Variants in ATP6V1A observed in about 807,000 individuals in gnomAD.
ATP6V1A encodes V-type proton ATPase catalytic subunit A.
ATP6V1A carries 18 observed loss-of-function variants against 70.1 expected under a neutral mutation model. The ratio of observed to expected loss-of-function variants is 0.26; its 90% CI spans 0.18 to 0.38. The LOEUF (loss-of-function observed/expected upper bound fraction) is 0.38, where lower values mean the gene tolerates loss of function less well. Among genes scored for constraint, ATP6V1A ranks in the 10% least tolerant of loss-of-function variants. The pLI is 1.00. For missense variants in ATP6V1A, 424 were observed against 772.4 expected (o/e 0.55, Z 5.35); for synonymous variants, 232 against 253.8 (o/e 0.91, Z 0.82).
intron 12 of ATP6V1A, among the ~76,000 whole-genome samples, chr3:113,799,750 A>G (rs1404479115): frequency 6.6e-6 from 1 of 152,244 alleles, no homozygotes; most frequent in African/African-American, 2.4e-5. Context: ...TCTCTACACT[A>G]GCAGTACCAA....
chr3:113,750,643 T>G (rs1448112836), intron 1 of ATP6V1A, among the ~76,000 whole-genome samples: 1 of 152,222 alleles, frequency 6.6e-6, no homozygotes, highest in Non-Finnish European at 1.5e-5. Flanking sequence ...TGTACTTAAG[T>G]AAGGTTAAGT....
intron 10 of ATP6V1A, among the ~76,000 whole-genome samples, chr3:113,795,440 T>C (rs1709143652): frequency 6.6e-6 from 1 of 151,690 alleles, no homozygotes; most frequent in South Asian, 2.1e-4. Flanking sequence ...TTTATATGTT[T>C]AATTTAGATA....
chr3:113,792,499 G>A (rs1005340874), intron 8 of ATP6V1A, among the ~76,000 whole-genome samples: 2 of 152,068 alleles, frequency 1.3e-5, no homozygotes, highest in Non-Finnish European at 2.9e-5. Flanking sequence ...CACCATGCCT[G>A]GCTAATTTTT....
rs948323750 is a variant in ATP6V1A, at chr3:113,790,246, C to A, written c.988+406C>A. Among the ~76,000 whole-genome samples, 3 of 141,804 alleles carry A rather than the reference C, an allele frequency of 2.1e-5. No homozygotes were observed. In the Admixed American group the frequency reaches 2.3e-4, roughly 11 times the overall value. 93.0% of individuals were successfully genotyped at this position (141,804 alleles called of 152,430 possible). A position where few individuals can be genotyped will look rare whatever the true frequency, so the allele number is the denominator to read the frequency against. On this transcript the variant is annotated intron_variant, in intron 8 of 14. Transcript: ENST00000273398. ...TGAATCCGGGAGGCAGAGGTTGCAG[C>A]GAGCCGAGATCGCGCCACTGCACTC... is the stretch of plus-strand genomic sequence containing the variant.
chr3:113,805,613 G>A, intron 14 of ATP6V1A, 88 bp downstream of exon 14: 2 of 1,312,364 alleles, frequency 1.5e-6, no homozygotes, highest in African/African-American at 1.5e-5. Context: ...TCTGTTGCGA[G>A]GCTGGAGTGC....
intron 14 of ATP6V1A, among the ~76,000 whole-genome samples, chr3:113,808,549 C>T (rs889459717): frequency 1.3e-5 from 2 of 152,004 alleles, no homozygotes; most frequent in African/African-American, 4.8e-5. Flanking sequence ...GCCTCGGCCC[C>T]CCAAAGTGCT....
chr3:113,786,265 AAGG>A lies in ATP6V1A; in HGVS notation c.601_603del (p.Glu201del). On this transcript the variant is annotated inframe_deletion, in exon 6 of 15. Transcript: ENST00000273398. ...CTTGGAGCTTGAATTTGAAGGTGTAAAGGAGAAGTTCACCATGGTGCAAGTATG... is the reference window on the plus strand; with the variant it reads ...CTTGGAGCTTGAATTTGAAGGTGTAAAGAAGTTCACCATGGTGCAAGTATG... The A allele has an allele frequency of 1.2e-6, 2 of 1,610,860 alleles. No homozygotes were observed. The highest frequency in any genetic ancestry group is 1.7e-6 in the Non-Finnish European group (2 of 1,178,082).
In ATP6V1A at chr3:113,754,723, T is replaced by A. The variant is rs1577079143; in HGVS notation, c.-14+7610T>A. Among the ~76,000 whole-genome samples the A allele has an allele frequency of 2.6e-5, 4 of 152,284 alleles. No homozygotes were observed. The East Asian group carries it at 7.7e-4, about 29-fold the overall frequency. On this transcript the variant is annotated intron_variant, in intron 1 of 14. Coordinates refer to ENST00000273398, the MANE Select transcript of ATP6V1A (RefSeq NM_001690.4). ...CACCTGACTTAATCATATGACAGAA[T>A]CATAAGAAAAGTCCCTATTTGGGTT...
intron 14 of ATP6V1A, among the ~76,000 whole-genome samples, 167 bp downstream of exon 14, chr3:113,805,692 C>G (rs1211074542): frequency 6.6e-6 from 1 of 152,154 alleles, no homozygotes; most frequent in East Asian, 1.9e-4. Flanking sequence ...CATCAGCCTC[C>G]TGAATAGCTG....
At chr3:113,757,727 A>G (rs1238160713) in intron 1 of ATP6V1A, among the ~76,000 whole-genome samples, 2 of 152,232 alleles carry the variant, frequency 1.3e-5, no homozygotes, top group Admixed American at 6.5e-5. Flanking sequence ...AGAGCCACAT[A>G]TATTTATTCT....
At chr3:113,770,550 G>A (rs1559752259) in intron 1 of ATP6V1A, among the ~76,000 whole-genome samples, 4 of 151,926 alleles carry the variant, frequency 2.6e-5, no homozygotes, top group Non-Finnish European at 5.9e-5. Context: ...ATGGTGGCTC[G>A]TGCCTATAGT....
chr3:113,800,401 A>T (rs2566964), intron 12 of ATP6V1A, among the ~76,000 whole-genome samples: 4 of 152,178 alleles, frequency 2.6e-5, no homozygotes, highest in Non-Finnish European at 5.9e-5. Context: ...AATAAAAACA[A>T]TGTGGTATTG....
Position 113,767,378 on chromosome 3 carries a change from C to T in ATP6V1A, c.-13-11363C>T, listed in dbSNP as rs559583320. The stretch of plus-strand genomic sequence containing the variant: ...CTCAGATTACAGGTGTAAGCCACTG[C>T]GCCCAGCCTGATGTTATCTGTTTTT... On this transcript the variant is annotated intron_variant, in intron 1 of 14. Coordinates refer to ENST00000273398, the MANE Select transcript of ATP6V1A (RefSeq NM_001690.4). 1.5e-4 allele frequency among the ~76,000 whole-genome samples: 23 copies of T among 152,242 alleles called. 2 individuals carry two copies. Among genetic ancestry groups the T allele is most frequent in the African/African-American group, 3.6e-4 (15 of 41,554 alleles).
intron 11 of ATP6V1A, among the ~76,000 whole-genome samples, chr3:113,797,256 ATT>A (rs879809506): frequency 7.4e-6 from 1 of 135,320 alleles, no homozygotes. Flanking sequence ...TAAAAAAAAA[ATT>A]TTTTTTTTTT....
intron 1 of ATP6V1A, among the ~76,000 whole-genome samples, chr3:113,767,315 C>T (rs1708784037): frequency 6.6e-6 from 1 of 152,064 alleles, no homozygotes. Context: ...TGGTCTCCAA[C>T]TCCTGACCTC....
At chr3:113,771,283 G>A (rs1393337627) in intron 1 of ATP6V1A, among the ~76,000 whole-genome samples, 1 of 151,970 alleles carries the variant, frequency 6.6e-6, no homozygotes, top group Non-Finnish European at 1.5e-5. Context: ...ATAAAGAAGA[G>A]TTATAAACAA....
intron 1 of ATP6V1A, among the ~76,000 whole-genome samples, chr3:113,749,196 G>A (rs563281955): frequency 7.2e-5 from 11 of 151,814 alleles, no homozygotes; most frequent in Non-Finnish European, 1.5e-4. Context: ...TAGATTAGTA[G>A]TGGGAATTGG....
intron 1 of ATP6V1A, among the ~76,000 whole-genome samples, chr3:113,750,335 A>C (rs2108004061): frequency 6.6e-6 from 1 of 152,314 alleles, no homozygotes; most frequent in East Asian, 1.9e-4. Flanking sequence ...TAAAAAAATT[A>C]GCCAGGCATG....
In ATP6V1A at chr3:113,780,742, A is replaced by G. The variant is rs757502587; in HGVS notation, c.83-308A>G. 2.3e-6 allele frequency: 3 copies of G among 1,300,974 alleles called. No homozygotes were observed. The Admixed American group carries it at 6.9e-5, about 30-fold the overall frequency. 80.6% of individuals were successfully genotyped at this position (1,300,974 alleles called of 1,614,324 possible). ...TTTATTGTTCCAAAGCCTTCACTCC[A>G]TGTATCATAGCAACTCTCAGAACAT... On this transcript the variant is annotated intron_variant, in intron 2 of 14. Transcript: ENST00000273398.
Sources: allele counts gnomAD v4.1 joint callset (sites outside exome capture counted in the v4.1 genomes callset), GRCh38; gene constraint gnomAD v4.1.1; transcripts MANE v1.5; gene names NCBI Gene and HGNC (gene_info 2026-07-23, HGNC 2026-07-21).